The following SLC37A1 variants were observed in gnomAD, a reference collection of about 807,000 sequenced individuals.
SLC37A1 encodes glucose-6-phosphate exchanger SLC37A1.
SLC37A1 carries 49 observed loss-of-function variants against 75.3 expected under a neutral mutation model. The observed-to-expected ratio is 0.65, with a 90% CI of 0.52 to 0.83. The LOEUF is 0.83. SLC37A1 is among the 40% of genes least tolerant of loss of function. The pLI, the probability that SLC37A1 is intolerant of heterozygous loss-of-function variation, is 0.00. For synonymous variants in SLC37A1, 268 were observed against 292.1 expected (o/e 0.92, Z 0.84); for missense variants, 566 against 695.0 (o/e 0.81, Z 2.09).
At chr21:42,551,803 TTTTTG>T (rs374568400) in intron 9 of SLC37A1, among the ~76,000 whole-genome samples, 5,398 of 150,918 alleles carry the variant, frequency 0.036, 285 homozygotes, top group African/African-American at 0.12. Flanking sequence ...TCAATGGTTT[TTTTTG>T]TTTTGTTTTG....
intron 17 of SLC37A1, among the ~76,000 whole-genome samples, chr21:42,570,116 G>A (rs1345020121): frequency 3.7e-5 from 2 of 54,030 alleles, no homozygotes; most frequent in African/African-American, 9.0e-5. Flanking sequence ...TGGTGGGCAG[G>A]GTGGCTGTTG....
In SLC37A1 at chr21:42,579,949, CT is replaced by C. The variant is rs1265671083; in HGVS notation, c.1586+153del. ...CACGCCACCTTCACTCTCACTTTTT[CT>C]TTTCTAATAAATACCTCTGGATGGG... On this transcript the variant is annotated intron_variant, in intron 19 of 19. Transcript: ENST00000352133. 7 of 718,342 alleles carry C rather than the reference CT, an allele frequency of 9.7e-6. No homozygotes were observed. In the African/African-American group the frequency reaches 1.2e-4, roughly 13 times the overall value. 44.5% of individuals were successfully genotyped at this position (718,342 alleles called of 1,614,324 possible).
At chr21:42,570,066 C>T (rs909673955) in intron 17 of SLC37A1, among the ~76,000 whole-genome samples, 38 of 142,888 alleles carry the variant, frequency 2.7e-4, no homozygotes, top group East Asian at 1.1e-3. Flanking sequence ...GCAGGGTGGC[C>T]GTTGCCATGT....
At chr21:42,530,736 C>T (rs1213886130) in intron 3 of SLC37A1, among the ~76,000 whole-genome samples, 1 of 151,770 alleles carries the variant, frequency 6.6e-6, no homozygotes, top group Non-Finnish European at 1.5e-5. Context: ...GCCTGAATCC[C>T]CTGCTCCTGT....
At chr21:42,574,128 T>C (rs917045819) in intron 17 of SLC37A1, among the ~76,000 whole-genome samples, 6 of 152,246 alleles carry the variant, frequency 3.9e-5, no homozygotes, top group Non-Finnish European at 7.3e-5. Context: ...CTCGTAACTA[T>C]TCAGCATGTA....
intron 9 of SLC37A1, among the ~76,000 whole-genome samples, chr21:42,551,805 T>A (rs1378922369): frequency 8.2e-6 from 1 of 122,574 alleles, no homozygotes; most frequent in Non-Finnish European, 1.8e-5. Flanking sequence ...AATGGTTTTT[T>A]TTGTTTTGTT....
intron 3 of SLC37A1, 135 bp from the exon 4 acceptor site, chr21:42,534,563 C>G: frequency 8.9e-7 from 1 of 1,118,912 alleles, no homozygotes; most frequent in Non-Finnish European, 1.2e-6. Context: ...CCTTGTGTCC[C>G]TCTTAGAATG....
chr21:42,568,587 A>G (rs2056041739), intron 17 of SLC37A1, 149 bp downstream of exon 17: 1 of 756,696 alleles, frequency 1.3e-6, no homozygotes, highest in Non-Finnish European at 2.3e-6. Context: ...AGCAGGGGAC[A>G]TCGGCACACA....
chr21:42,578,107 G>A (rs570609086), intron 18 of SLC37A1, among the ~76,000 whole-genome samples: 8 of 152,236 alleles, frequency 5.3e-5, no homozygotes, highest in South Asian at 2.1e-4. Flanking sequence ...GTTTCCTCCC[G>A]AGTCTGGAGC....
chr21:42,511,577 G>A (rs147653603), upstream of SLC37A1, among the ~76,000 whole-genome samples: 38 of 152,226 alleles, frequency 2.5e-4, no homozygotes, highest in East Asian at 7.2e-3. Flanking sequence ...CTTGAACCTG[G>A]GAGTTCAAGA....
exon 2 of SLC37A1, chr21:42,502,335 T>G (rs1006601911): frequency 6.6e-6 from 1 of 152,228 alleles, no homozygotes; most frequent in Non-Finnish European, 1.5e-5. Context: ...AAATACATGT[T>G]GCTGCATTGC....
intron 2 of SLC37A1, among the ~76,000 whole-genome samples, chr21:42,504,397 A>G (rs1349319505): frequency 1.3e-5 from 2 of 152,164 alleles, no homozygotes; most frequent in Admixed American, 1.3e-4. Flanking sequence ...CTTAATCCTG[A>G]AAACCTTTTC....
At chr21:42,546,990 A>C (rs1213060336) in intron 8 of SLC37A1, 113 bp from the exon 9 acceptor site, 2 of 1,228,914 alleles carry the variant, frequency 1.6e-6, no homozygotes, top group African/African-American at 3.0e-5. Context: ...TCCTGCATAC[A>C]GTCCAGTTTC....
chr21:42,536,322 T>C (rs549467712), intron 5 of SLC37A1, among the ~76,000 whole-genome samples: 1 of 152,356 alleles, frequency 6.6e-6, no homozygotes, highest in South Asian at 2.1e-4. Context: ...AGTTAATGTA[T>C]GTAGAAGCTC....
intron 11 of SLC37A1, 32 bp from the exon 12 acceptor site, chr21:42,562,046 T>G (rs772334578): frequency 6.3e-7 from 1 of 1,574,910 alleles, no homozygotes. Flanking sequence ...ACTCCACATT[T>G]GGAGGAGACG....
At chr21:42,558,319 T>A (rs1225252687) in intron 10 of SLC37A1, among the ~76,000 whole-genome samples, 1 of 152,242 alleles carries the variant, frequency 6.6e-6, no homozygotes, top group Non-Finnish European at 1.5e-5. Context: ...AAAATAATGT[T>A]ATTTCTGGTC....
intron 17 of SLC37A1, among the ~76,000 whole-genome samples, chr21:42,570,104 A>AGCGGCGGGCAGG (rs1417517374): frequency 2.0e-4 from 19 of 95,264 alleles, no homozygotes; most frequent in South Asian, 3.8e-4. Context: ...GGTTCTGAGA[A>AGCGGCGGGCAGG]GTGGTGGGCA....
At chr21:42,499,872 G>A (rs1358758201) in intron 1 of SLC37A1, 1 of 152,400 alleles carries the variant, frequency 6.6e-6, no homozygotes, top group East Asian at 1.9e-4. Context: ...AGGGGCGCTG[G>A]TCAGGGTGCC....
intron 17 of SLC37A1, among the ~76,000 whole-genome samples, chr21:42,569,382 C>T (rs558992541): frequency 2.3e-4 from 35 of 152,346 alleles, no homozygotes; most frequent in Middle Eastern, 3.4e-3. Context: ...AAAGCCCTCC[C>T]GCCACATGGC....
Sources: allele counts gnomAD v4.1 joint callset (sites outside exome capture counted in the v4.1 genomes callset), GRCh38; gene constraint gnomAD v4.1.1; transcripts MANE v1.5; gene names NCBI Gene and HGNC (gene_info 2026-07-23, HGNC 2026-07-21).